The following ASTN2 variants were observed in gnomAD, a reference collection of about 807,000 sequenced individuals.
ASTN2 encodes the protein astrotactin 2, also known as astrotactin-2.
In ASTN2, 54 loss-of-function variants were observed where a neutral mutation model predicts 139.8. The observed-to-expected ratio is 0.39, with a 90% CI of 0.31 to 0.48. ASTN2 has a LOEUF of 0.48. Among genes scored for constraint, ASTN2 ranks in the 20% least tolerant of loss-of-function variants. The pLI, the probability that ASTN2 is intolerant of heterozygous loss-of-function variation, is 0.95. For synonymous variants in ASTN2, 756 were observed against 719.5 expected (o/e 1.05, Z -0.81); for missense variants, 1,565 against 1,725.1 (o/e 0.91, Z 1.64).
chr9:117,203,097 C>G (rs1388011647), intron 3 of ASTN2, among the ~76,000 whole-genome samples: 1 of 151,678 alleles, frequency 6.6e-6, no homozygotes, highest in African/African-American at 2.4e-5. Context: ...TCATCAAACT[C>G]TGATATCCTT....
chr9:117,399,195 G>T (rs1830756911), intron 1 of ASTN2, among the ~76,000 whole-genome samples: 2 of 152,122 alleles, frequency 1.3e-5, no homozygotes, highest in African/African-American at 4.8e-5. Context: ...ATACTAACAA[G>T]AAAGGCCGAC....
chr9:116,661,754 T>C (rs1341007154), intron 16 of ASTN2, among the ~76,000 whole-genome samples: 4 of 152,066 alleles, frequency 2.6e-5, no homozygotes, highest in African/African-American at 4.8e-5. Flanking sequence ...CCTCTTTGTA[T>C]AGTTACACAA....
intron 7 of ASTN2, among the ~76,000 whole-genome samples, chr9:116,991,578 C>T (rs900517673): frequency 8.0e-6 from 1 of 125,146 alleles, no homozygotes; most frequent in Non-Finnish European, 1.8e-5. Flanking sequence ...AATACTTCTC[C>T]CTCTTATTAA....
chr9:117,052,389 A>G (rs1022474952), intron 5 of ASTN2, among the ~76,000 whole-genome samples: 17 of 148,642 alleles, frequency 1.1e-4, no homozygotes, highest in Non-Finnish European at 3.0e-5. Context: ...GCAGTGAGCT[A>G]TCACACCACT....
chr9:116,842,133 A>C (rs928219295), intron 11 of ASTN2, among the ~76,000 whole-genome samples: 1 of 152,148 alleles, frequency 6.6e-6, no homozygotes, highest in Admixed American at 6.5e-5. Flanking sequence ...CCTTGTGGGA[A>C]GGGCCCTGTA....
chr9:116,484,457 G>C (rs1019837994), intron 20 of ASTN2, among the ~76,000 whole-genome samples: 5 of 152,132 alleles, frequency 3.3e-5, no homozygotes, highest in African/African-American at 1.2e-4. Flanking sequence ...GCCGCACACA[G>C]TCTTCTTGGC....
At chr9:116,507,130 C>G (rs1442024811) in intron 19 of ASTN2, among the ~76,000 whole-genome samples, 4 of 152,174 alleles carry the variant, frequency 2.6e-5, no homozygotes, top group African/African-American at 7.2e-5. Flanking sequence ...CATTGTGATG[C>G]TCATTTTGAA....
chr9:116,597,027 A>G (rs10817906), intron 19 of ASTN2, among the ~76,000 whole-genome samples: 66,863 of 151,932 alleles, frequency 0.44, 15,532 homozygotes, highest in East Asian at 0.7. Context: ...GAAGGGAAAG[A>G]GTTTGGGTTA....
At chr9:116,540,907 T>C (rs1468735373) in intron 19 of ASTN2, among the ~76,000 whole-genome samples, 1 of 151,722 alleles carries the variant, frequency 6.6e-6, no homozygotes, top group Non-Finnish European at 1.5e-5. Context: ...ATATTTGAGA[T>C]ACCCATATTA....
intron 10 of ASTN2, among the ~76,000 whole-genome samples, chr9:116,913,216 CTT>C (rs1834362626): frequency 6.6e-6 from 1 of 152,184 alleles, no homozygotes; most frequent in African/African-American, 2.4e-5. Context: ...ATCCAGGTAA[CTT>C]AACATTTCTG....
chr9:117,189,371 G>A (rs16934381), intron 3 of ASTN2, among the ~76,000 whole-genome samples: 2,500 of 152,254 alleles, frequency 0.016, 61 homozygotes, highest in African/African-American at 0.058. Flanking sequence ...CAGAAGTGGT[G>A]TGGTTGAAAC....
chr9:117,395,361 T>C (rs1459338421), intron 1 of ASTN2, among the ~76,000 whole-genome samples: 37 of 152,170 alleles, frequency 2.4e-4, no homozygotes, highest in Admixed American at 2.4e-3. Flanking sequence ...AAAAACATGC[T>C]GGGGAAGTCA....
At chr9:117,382,636 AC>A (rs911330132) in intron 1 of ASTN2, among the ~76,000 whole-genome samples, 1 of 152,086 alleles carries the variant, frequency 6.6e-6, no homozygotes, top group African/African-American at 2.4e-5. Context: ...CACACACCCA[AC>A]TCGAATCTAT....
At chr9:116,608,208 G>C (rs1032170526) in intron 19 of ASTN2, among the ~76,000 whole-genome samples, 10 of 152,200 alleles carry the variant, frequency 6.6e-5, no homozygotes, top group Admixed American at 3.9e-4. Context: ...TAATGGAGAG[G>C]AGAGAGCTGC....
At chr9:117,045,165 A>C (rs1036385773) in intron 5 of ASTN2, among the ~76,000 whole-genome samples, 34 of 152,066 alleles carry the variant, frequency 2.2e-4, no homozygotes, top group Non-Finnish European at 1.2e-4. Context: ...CATAAGTCTA[A>C]TAAGAAAAAA....
chr9:117,240,317 A>C (rs1365136424), intron 2 of ASTN2, among the ~76,000 whole-genome samples: 1 of 152,152 alleles, frequency 6.6e-6, no homozygotes, highest in Non-Finnish European at 1.5e-5. Flanking sequence ...AATCCCAAAA[A>C]CCTGTCAACT....
At chr9:117,412,450 T>A (rs916638532) in intron 1 of ASTN2, among the ~76,000 whole-genome samples, 10 of 152,260 alleles carry the variant, frequency 6.6e-5, no homozygotes, top group African/African-American at 2.4e-4. Context: ...TTCTAATTCC[T>A]CGCTCAGGTC....
intron 2 of ASTN2, among the ~76,000 whole-genome samples, chr9:117,245,951 T>C (rs766718063): frequency 1.3e-5 from 2 of 152,106 alleles, no homozygotes; most frequent in Non-Finnish European, 2.9e-5. Flanking sequence ...ATTGCATGAG[T>C]ATTTACTAGT....
intron 14 of ASTN2, 45 bp downstream of exon 14, chr9:116,733,354 T>A (rs1419561425): frequency 6.5e-7 from 1 of 1,534,478 alleles, no homozygotes; most frequent in Non-Finnish European, 8.8e-7. Flanking sequence ...GGAGACTCGG[T>A]GTGTGGTCAG....
Sources: gnomAD v4.1 joint callset for allele counts (sites outside exome capture counted in the v4.1 genomes callset) on GRCh38, gnomAD v4.1.1 for gene constraint, MANE v1.5 for transcripts, NCBI Gene and HGNC (gene_info 2026-07-23, HGNC 2026-07-21) for gene names.